Variants in SPATA16 observed in about 807,000 individuals in gnomAD.
The protein encoded by SPATA16 is spermatogenesis associated 16, also known as spermatogenesis-associated protein 16.
In SPATA16, 36 loss-of-function variants were observed where a neutral mutation model predicts 63.3. The ratio of observed to expected loss-of-function variants is 0.57; its 90% CI spans 0.44 to 0.75. SPATA16 has a LOEUF of 0.75. SPATA16 is among the 30% of genes least tolerant of loss of function. The pLI is 0.00. For synonymous variants in SPATA16, 203 were observed against 216.7 expected (o/e 0.94, Z 0.56); for missense variants, 646 against 679.3 (o/e 0.95, Z 0.54).
intron 3 of SPATA16, among the ~76,000 whole-genome samples, chr3:173,029,126 T>C (rs1466741850): frequency 6.6e-6 from 1 of 152,074 alleles, no homozygotes; most frequent in East Asian, 1.9e-4. Context: ...GAATTTCCTT[T>C]TACTGGAAAC....
intron 4 of SPATA16, among the ~76,000 whole-genome samples, chr3:173,010,209 C>T (rs1560095442): frequency 6.6e-6 from 1 of 152,194 alleles, no homozygotes; most frequent in South Asian, 2.1e-4. Context: ...CTCTGGGACA[C>T]AACGGACAGA....
intron 2 of SPATA16, among the ~76,000 whole-genome samples, chr3:173,106,906 G>A (rs1737634173): frequency 6.6e-6 from 1 of 151,988 alleles, no homozygotes; most frequent in South Asian, 2.1e-4. Flanking sequence ...CTTTAATAAG[G>A]ATAATAAGAG....
At chr3:173,064,386 T>C (rs1407907409) in intron 2 of SPATA16, among the ~76,000 whole-genome samples, 1 of 150,574 alleles carries the variant, frequency 6.6e-6, no homozygotes, top group Non-Finnish European at 1.5e-5. Context: ...CAATCCTCTA[T>C]GATACATCAC....
chr3:173,099,621 CTA>C (rs1483225297), intron 2 of SPATA16, among the ~76,000 whole-genome samples: 1 of 152,138 alleles, frequency 6.6e-6, no homozygotes, highest in Non-Finnish European at 1.5e-5. Context: ...AGCCATTACT[CTA>C]TACAATTTTC....
At position 172,992,502 on chromosome 3, in the gene SPATA16, G is replaced by GAT. The variant is rs1193659101; in HGVS notation, c.849-15451_849-15450insAT. Reference sequence around the variant, plus strand: ...AAGAGAAAAAGCACATCCCTTAAAGGAAGGTAGGGGACTCTAGGGTGTGTG... The same window carrying GAT: ...AAGAGAAAAAGCACATCCCTTAAAGGATAAGGTAGGGGACTCTAGGGTGTGTG... On this transcript the variant is annotated intron_variant, in intron 4 of 10. Coordinates refer to ENST00000351008, the MANE Select transcript of SPATA16 (RefSeq NM_031955.6). Among the ~76,000 whole-genome samples, 11 of 152,118 alleles carry GAT rather than the reference G, an allele frequency of 7.2e-5. 1 individual carries two copies. In the Middle Eastern group the frequency reaches 0.017, roughly 235 times the overall value.
At chr3:172,928,843 AT>A (rs1426832293) in intron 6 of SPATA16, among the ~76,000 whole-genome samples, 4 of 151,200 alleles carry the variant, frequency 2.6e-5, no homozygotes, top group Non-Finnish European at 4.4e-5. Context: ...TTAGAAAAAA[AT>A]TTTTTTTCAA....
chr3:172,913,010 C>T (rs1732404744), intron 10 of SPATA16, among the ~76,000 whole-genome samples: 1 of 152,116 alleles, frequency 6.6e-6, no homozygotes, highest in South Asian at 2.1e-4. Flanking sequence ...TGGGTTCTTA[C>T]AGTGATGGGA....
intron 2 of SPATA16, among the ~76,000 whole-genome samples, chr3:173,094,465 G>A (rs1737300637): frequency 3.9e-5 from 6 of 152,112 alleles, no homozygotes. Context: ...ATATTTCCCA[G>A]CAGGTGTTTG....
In SPATA16 at chr3:172,889,522, T is replaced by C; in HGVS notation, c.*48A>G. ...AGGTGGGCATTGGAGTGGATGCCCTTGCCTCTTCTTCTGGGATATCTTAGT... is the reference window on the plus strand; with the variant it reads ...AGGTGGGCATTGGAGTGGATGCCCTCGCCTCTTCTTCTGGGATATCTTAGT... On this transcript the variant is annotated 3_prime_UTR_variant, in exon 11 of 11. Coordinates refer to ENST00000351008, the MANE Select transcript of SPATA16 (RefSeq NM_031955.6). The C allele has an allele frequency of 6.2e-7, 1 of 1,612,266 alleles. No homozygotes were observed. Among genetic ancestry groups the C allele is most frequent in the Non-Finnish European group, 8.5e-7 (1 of 1,179,582 alleles).
At chr3:172,953,104 G>A (rs1197753071) in intron 6 of SPATA16, among the ~76,000 whole-genome samples, 1 of 152,008 alleles carries the variant, frequency 6.6e-6, no homozygotes, top group Non-Finnish European at 1.5e-5. Context: ...GGTTTTTGTT[G>A]AAAATATTCT....
At chr3:173,053,320 T>C (rs1297777901) in intron 2 of SPATA16, among the ~76,000 whole-genome samples, 1 of 152,088 alleles carries the variant, frequency 6.6e-6, no homozygotes, top group Admixed American at 6.6e-5. Flanking sequence ...GAGTTTGCAG[T>C]GAGCCAAGAT....
At chr3:173,002,989 A>G (rs1340617130) in intron 4 of SPATA16, among the ~76,000 whole-genome samples, 1 of 152,182 alleles carries the variant, frequency 6.6e-6, no homozygotes, top group Non-Finnish European at 1.5e-5. Context: ...AAAGAGCTTG[A>G]TATTGAAGAA....
Position 173,011,604 on chromosome 3 carries a change from C to T in SPATA16, c.848+7882G>A, listed in dbSNP as rs75207220. On this transcript the variant is annotated intron_variant, in intron 4 of 10. Transcript: ENST00000351008. ...TCAACATCGTACTGCAAGTCCTAGCCGGCAAACTTAGGCAAAAGAAAGAAA... is the reference window on the plus strand; with the variant it reads ...TCAACATCGTACTGCAAGTCCTAGCTGGCAAACTTAGGCAAAAGAAAGAAA... Among the ~76,000 whole-genome samples, 498 of 152,010 alleles carry T rather than the reference C, an allele frequency of 3.3e-3. 2 individuals carry two copies. Among genetic ancestry groups the T allele is most frequent in the African/African-American group, 0.012 (480 of 41,444 alleles).
chr3:173,046,729 ATTTAT>A (rs1385288633), intron 3 of SPATA16, among the ~76,000 whole-genome samples: 3 of 152,020 alleles, frequency 2.0e-5, no homozygotes, highest in African/African-American at 4.8e-5. Context: ...ATCCTAATTA[ATTTAT>A]TTTATCAAAT....
chr3:173,134,324 C>T (rs1352820559), intron 1 of SPATA16, among the ~76,000 whole-genome samples: 2 of 151,934 alleles, frequency 1.3e-5, no homozygotes, highest in Non-Finnish European at 2.9e-5. Flanking sequence ...GTGTTTGAGT[C>T]ATGAATAGAT....
intron 10 of SPATA16, among the ~76,000 whole-genome samples, chr3:172,895,016 G>A (rs1217496567): frequency 6.6e-6 from 1 of 152,140 alleles, no homozygotes; most frequent in Admixed American, 6.5e-5. Flanking sequence ...ATTAATTTTG[G>A]TAAGATTTAT....
chr3:173,060,661 T>A (rs1736357921), intron 2 of SPATA16, among the ~76,000 whole-genome samples: 1 of 152,222 alleles, frequency 6.6e-6, no homozygotes, highest in Non-Finnish European at 1.5e-5. Flanking sequence ...ATTTTACAGG[T>A]ATAAAACTCT....
rs59773490 is a variant in SPATA16 at position 173,064,320 on chromosome 3, CA to C, written c.613-15227del. Reference sequence around the variant, plus strand: ...GAAACTCCATCACACACACGCACACCAAAAAAAAAAAAAAAAAAAAGGAAGG... The same window carrying C: ...GAAACTCCATCACACACACGCACACCAAAAAAAAAAAAAAAAAAAGGAAGG... On this transcript the variant is annotated intron_variant, in intron 2 of 10. Coordinates refer to ENST00000351008, the MANE Select transcript of SPATA16 (RefSeq NM_031955.6). Among the ~76,000 whole-genome samples, 261 of 57,648 alleles carry C rather than the reference CA, an allele frequency of 4.5e-3. 1 individual carries two copies. Among genetic ancestry groups the C allele is most frequent in the East Asian group, 5.2e-3 (10 of 1,918 alleles). 37.8% of individuals were successfully genotyped at this position (57,648 alleles called of 152,430 possible). A position where few individuals can be genotyped will look rare whatever the true frequency, so the allele number is the denominator to read the frequency against.
At chr3:172,914,512 C>T (rs191965881) in intron 9 of SPATA16, among the ~76,000 whole-genome samples, 3 of 152,182 alleles carry the variant, frequency 2.0e-5, no homozygotes, top group Admixed American at 6.5e-5. Flanking sequence ...GATATTGCAG[C>T]GTGAAAGCAG....
Sources: gnomAD v4.1 joint callset for allele counts (sites outside exome capture counted in the v4.1 genomes callset) on GRCh38, gnomAD v4.1.1 for gene constraint, MANE v1.5 for transcripts, NCBI Gene and HGNC (gene_info 2026-07-23, HGNC 2026-07-21) for gene names.